SSBP3: variants seen among roughly 807,000 people sequenced by gnomAD.
The protein encoded by SSBP3 is single-stranded DNA-binding protein 3.
A neutral mutation model predicts 69.6 loss-of-function variants in SSBP3; 5 were observed. That is an observed-to-expected ratio of 0.07 (90% CI 0.04 to 0.15). SSBP3 has a LOEUF of 0.15. SSBP3 is among the 10% of genes least tolerant of loss of function. The probability of loss-of-function intolerance (pLI) is 1.00; values close to 1 mark genes in which losing one functional copy is unlikely to be tolerated. For missense variants in SSBP3, 312 were observed against 534.0 expected, an observed-to-expected ratio of 0.58 and a Z score of 4.10; for synonymous variants, 196 against 193.4, an observed-to-expected ratio of 1.01 and a Z score of -0.11.
chr1:54,372,516 C>A (rs1033390814), intron 4 of SSBP3, among the ~76,000 whole-genome samples: 2 of 152,194 alleles, frequency 1.3e-5, no homozygotes, highest in Non-Finnish European at 2.9e-5. Context: ...CCCATGAGCA[C>A]TGACCACCAC....
intron 4 of SSBP3, among the ~76,000 whole-genome samples, chr1:54,319,756 A>G (rs766587446): frequency 2.0e-5 from 3 of 151,974 alleles, no homozygotes; most frequent in Non-Finnish European, 4.4e-5. Context: ...TATTAGGTTT[A>G]AAGAAAAAAA....
chr1:54,373,910 T>G (rs947761307), intron 4 of SSBP3, among the ~76,000 whole-genome samples: 16 of 152,120 alleles, frequency 1.1e-4, no homozygotes, highest in African/African-American at 3.9e-4. Flanking sequence ...ATGAGTTGTT[T>G]CCCATGGTGT....
At chr1:54,371,245 G>C (rs2100679237) in intron 4 of SSBP3, among the ~76,000 whole-genome samples, 1 of 152,370 alleles carries the variant, frequency 6.6e-6, no homozygotes, top group Non-Finnish European at 1.5e-5. Flanking sequence ...GTTGCTCAGA[G>C]TTAAGATTAG....
At position 54,282,442 on chromosome 1, in the gene SSBP3, C is replaced by T. The variant is rs116343214; in HGVS notation, c.277-915G>A. ...TGTCTCATGAGAGAGAGGGGCCTCG[C>T]GAAGTGGGGGGACCGTCATTCCTTT... On this transcript the variant is annotated intron_variant, in intron 4 of 17. Transcript: ENST00000610401. Among the ~76,000 whole-genome samples, 547 of 152,302 alleles carry T rather than the reference C, an allele frequency of 3.6e-3. 4 individuals are homozygous for T. The highest frequency in any genetic ancestry group is 0.012 in the African/African-American group (515 of 41,556).
At chr1:54,398,468 A>C (rs1649054868) in intron 4 of SSBP3, among the ~76,000 whole-genome samples, 1 of 152,202 alleles carries the variant, frequency 6.6e-6, no homozygotes, top group Non-Finnish European at 1.5e-5. Context: ...CACCAAAGAC[A>C]CTTCCCTGCA....
At chr1:54,375,550 T>C (rs1038720990) in intron 4 of SSBP3, among the ~76,000 whole-genome samples, 3 of 152,140 alleles carry the variant, frequency 2.0e-5, no homozygotes, top group African/African-American at 7.2e-5. Flanking sequence ...CAGCTGACTG[T>C]GACTCCAGTG....
rs1415447020 is a variant in SSBP3, at chr1:54,316,675, AAT to A, written c.277-35150_277-35149del. On this transcript the variant is annotated intron_variant, in intron 4 of 17. Coordinates refer to ENST00000610401, the Ensembl canonical transcript of SSBP3. Reference sequence around the variant, plus strand: ...AAAAAAAAAATAAAATAAATAAATAAATAAATAAATAAATAAATAAATAAATA... The same window carrying A: ...AAAAAAAAAATAAAATAAATAAATAAAAATAAATAAATAAATAAATAAATA... Among the ~76,000 whole-genome samples the A allele has an allele frequency of 4.8e-3, 555 of 116,430 alleles. 63 individuals are homozygous for A. Among genetic ancestry groups the A allele is most frequent in the African/African-American group, 0.022 (527 of 24,078 alleles). 76.4% of individuals were successfully genotyped at this position (116,430 alleles called of 152,430 possible).
At chr1:54,238,539 C>G (rs1005529577) in intron 14 of SSBP3, 4 of 366,046 alleles carry the variant, frequency 1.1e-5, no homozygotes, top group Non-Finnish European at 2.2e-5. Context: ...CAAGTCCCAT[C>G]CAGTGGGTGC....
intron 4 of SSBP3, 112 bp downstream of exon 4, chr1:54,401,749 G>A (rs1358952955): frequency 1.9e-5 from 16 of 828,636 alleles, no homozygotes; most frequent in Middle Eastern, 3.6e-4. Flanking sequence ...AGAAAGAAAC[G>A]CAAGAAGCAA....
intron 4 of SSBP3, among the ~76,000 whole-genome samples, chr1:54,317,536 A>C (rs561349083): frequency 3.1e-4 from 47 of 152,212 alleles, no homozygotes; most frequent in African/African-American, 1.0e-3. Context: ...GACTCTCAAA[A>C]AAAAAAAATC....
chr1:54,295,653 A>G (rs1645691230), intron 4 of SSBP3, among the ~76,000 whole-genome samples: 1 of 152,196 alleles, frequency 6.6e-6, no homozygotes, highest in South Asian at 2.1e-4. Flanking sequence ...GATTTTAAAA[A>G]AACAAGGAGA....
At chr1:54,228,524 C>A in intron 15 of SSBP3, 47 bp from the exon 16 acceptor site, 1 of 1,612,746 alleles carries the variant, frequency 6.2e-7, no homozygotes. Context: ...TGCTCTTCCA[C>A]GGAGGGGTCT....
exon 18 of SSBP3, chr1:54,227,090 C>T (rs201486426): frequency 1.3e-3 from 2,069 of 1,578,320 alleles, no homozygotes; most frequent in Non-Finnish European, 1.6e-3. Flanking sequence ...CATCTTCCCG[C>T]CTGCAATGCC....
chr1:54,250,351 A>C (rs1041162325), intron 9 of SSBP3, among the ~76,000 whole-genome samples: 2 of 152,144 alleles, frequency 1.3e-5, no homozygotes, highest in Non-Finnish European at 2.9e-5. Flanking sequence ...CACAGAGAAG[A>C]AAGCGGTGGC....
chr1:54,313,682 G>C (rs1646046521), intron 4 of SSBP3, among the ~76,000 whole-genome samples: 1 of 151,294 alleles, frequency 6.6e-6, no homozygotes, highest in South Asian at 2.1e-4. Flanking sequence ...TCTGTGCAGT[G>C]CTCGTAAGCA....
intron 4 of SSBP3, among the ~76,000 whole-genome samples, chr1:54,353,471 C>T (rs1390368123): frequency 1.3e-5 from 2 of 152,196 alleles, no homozygotes; most frequent in Admixed American, 1.3e-4. Context: ...TCCCTTTGCT[C>T]CTCTGAGATG....
At chr1:54,253,222 T>C (rs1484814052) in intron 7 of SSBP3, among the ~76,000 whole-genome samples, 1 of 149,980 alleles carries the variant, frequency 6.7e-6, no homozygotes, top group Non-Finnish European at 1.5e-5. Context: ...CAGGGTCGCT[T>C]GCTCTGTTGC....
intron 4 of SSBP3, among the ~76,000 whole-genome samples, chr1:54,390,487 T>C (rs1459605440): frequency 6.6e-6 from 1 of 152,180 alleles, no homozygotes; most frequent in Non-Finnish European, 1.5e-5. Context: ...TCATTTTCTG[T>C]AGCTTGGGGT....
At chr1:54,242,650 A>G (rs1263904013) in intron 10 of SSBP3, among the ~76,000 whole-genome samples, 1 of 152,116 alleles carries the variant, frequency 6.6e-6, no homozygotes, top group Non-Finnish European at 1.5e-5. Flanking sequence ...TAAGGGGGTT[A>G]TAATAATAAC....
Sources: allele counts gnomAD v4.1 joint callset (sites outside exome capture counted in the v4.1 genomes callset), GRCh38; gene constraint gnomAD v4.1.1; transcripts MANE v1.5; gene names NCBI Gene and HGNC (gene_info 2026-07-23, HGNC 2026-07-21).